FGD5: variants seen among roughly 807,000 people sequenced by gnomAD.
FGD5 encodes the protein FYVE, RhoGEF and PH domain containing 5.
Under a neutral mutation model 133.4 loss-of-function variants are expected in FGD5, and 28 were observed. The ratio of observed to expected loss-of-function variants is 0.21; its 90% CI spans 0.16 to 0.29. FGD5 has a LOEUF of 0.29. Among genes scored for constraint, FGD5 ranks in the 10% least tolerant of loss-of-function variants. The pLI, the probability that FGD5 is intolerant of heterozygous loss-of-function variation, is 1.00. For synonymous variants in FGD5, 810 were observed against 776.5 expected (o/e 1.04, Z -0.72); for missense variants, 1,858 against 1,895.2 (o/e 0.98, Z 0.36).
Position 14,819,254 on chromosome 3 carries a change from C to G in FGD5, c.183C>G (p.Thr61=). Residue 61 remains threonine (T), a synonymous_variant, in exon 1 of 20, where the codon ACC becomes ACG. Coordinates refer to ENST00000285046, the MANE Select transcript of FGD5 (RefSeq NM_152536.4). This position sits in a 1 kb window ranked among gnomAD's most constrained non-coding sequence, Gnocchi z 4.1. The part of the protein sequence containing the change: ...RSIPKCSESE[T]DEDYIVVPRV... ...TCCCAAAGTGCTCTGAGTCGGAGACCGACGAGGATTACATCGTGGTCCCCA... is the reference window on the plus strand; with the variant it reads ...TCCCAAAGTGCTCTGAGTCGGAGACGGACGAGGATTACATCGTGGTCCCCA... 1 of 1,538,576 alleles carries G rather than the reference C, an allele frequency of 6.5e-7. No individual in the cohort carries two copies. Among genetic ancestry groups the G allele is most frequent in the Non-Finnish European group, 8.8e-7 (1 of 1,140,890 alleles).
chr3:14,876,713 G>A (rs1024865861), intron 2 of FGD5, among the ~76,000 whole-genome samples: 2 of 152,122 alleles, frequency 1.3e-5, no homozygotes, highest in African/African-American at 4.8e-5. Flanking sequence ...TAATATCTAG[G>A]CTCATACAGA....
At chr3:14,810,914 C>T (rs2036282153) in intron 1 of FGD5, 1 of 985,116 alleles carries the variant, frequency 1.0e-6, no homozygotes, top group Non-Finnish European at 1.2e-6. Context: ...GCGAGGGACC[C>T]CGGCCGGGCG....
rs370335044 is a variant in FGD5, at chr3:14,901,035, C to T, written c.3238C>T (p.Arg1080Cys). 1.2e-4 allele frequency: 188 copies of T among 1,613,992 alleles called. 1 individual carries two copies. The highest frequency in any genetic ancestry group is 8.7e-4 in the East Asian group (39 of 44,876). ...ALSLISKVTDRANDSMEQGEN... is the reference protein window; with the variant it reads ...ALSLISKVTDCANDSMEQGEN... ...GAGCCTCATCTCCAAAGTCACAGACCGTGCCAACGACAGCATGGAGCAAGG... is the reference window on the plus strand; with the variant it reads ...GAGCCTCATCTCCAAAGTCACAGACTGTGCCAACGACAGCATGGAGCAAGG... The change falls in exon 9 of 20, where the codon CGT becomes TGT. Residue 1080 changes from arginine (R) to cysteine (C), a missense_variant. Arg to Cys is a radical substitution (Grantham distance 180). Transcript: ENST00000285046.
At chr3:14,822,031 C>T (rs1378464489) in intron 1 of FGD5, among the ~76,000 whole-genome samples, 7 of 151,374 alleles carry the variant, frequency 4.6e-5, no homozygotes, top group African/African-American at 1.2e-4. Flanking sequence ...ACTCGGGAGG[C>T]GGAGGTTGCA....
At chr3:14,835,688 A>G (rs778313709) in intron 1 of FGD5, among the ~76,000 whole-genome samples, 2 of 152,126 alleles carry the variant, frequency 1.3e-5, no homozygotes, top group Non-Finnish European at 2.9e-5. Flanking sequence ...TTAAGCAAAG[A>G]CTTGAAGAAG....
chr3:14,925,923 G>A (rs2038794294), intron 17 of FGD5, 147 bp from the exon 18 acceptor site: 9 of 1,044,422 alleles, frequency 8.6e-6, no homozygotes, highest in Non-Finnish European at 2.7e-6. Context: ...GCTGACTTTG[G>A]TACTGGATAG....
intron 9 of FGD5, 77 bp from the exon 10 acceptor site, chr3:14,907,563 C>T (rs764689772): frequency 2.6e-5 from 35 of 1,346,710 alleles, no homozygotes; most frequent in Non-Finnish European, 3.5e-5. Flanking sequence ...ACAGAAGCAA[C>T]GCCATGCCTT....
intron 11 of FGD5, among the ~76,000 whole-genome samples, chr3:14,914,630 G>T (rs998085945): frequency 1.3e-5 from 2 of 152,140 alleles, no homozygotes; most frequent in South Asian, 4.1e-4. Flanking sequence ...CATGGGCAAG[G>T]TTCATGAACC....
intron 1 of FGD5, among the ~76,000 whole-genome samples, chr3:14,848,390 T>C (rs112599660): frequency 1.2e-4 from 2 of 16,830 alleles, no homozygotes; most frequent in African/African-American, 3.6e-4. Flanking sequence ...TCCTTCCCCC[T>C]GGCCCTCACT....
rs1050520626 is a variant in FGD5, at chr3:14,928,467, G to A, written c.4197+2269G>A. On this transcript the variant is annotated intron_variant, in intron 18 of 19. Transcript: ENST00000285046. ...GAAAGAATTTTACAGTGAACTAGCC[G>A]GGCATGGTGGCTCATGCCTGTAATC... Among the ~76,000 whole-genome samples, 16 of 152,090 alleles carry A rather than the reference G, an allele frequency of 1.1e-4. No individual in the cohort carries two copies. In the South Asian group the frequency reaches 2.7e-3, roughly 26 times the overall value.
chr3:14,877,020 G>A (rs2037733533), intron 2 of FGD5, among the ~76,000 whole-genome samples: 2 of 152,218 alleles, frequency 1.3e-5, no homozygotes, highest in African/African-American at 4.8e-5. Flanking sequence ...AGGGGCAGGT[G>A]GCCTGATGTT....
Position 14,880,922 on chromosome 3 carries a change from C to A in FGD5, c.2748+150C>A, listed in dbSNP as rs183517626. 110 of 1,024,918 alleles carry A rather than the reference C, an allele frequency of 1.1e-4. No individual in the cohort carries two copies. The Middle Eastern group carries it at 1.4e-3, about 13-fold the overall frequency. 63.5% of individuals were successfully genotyped at this position (1,024,918 alleles called of 1,614,324 possible). On this transcript the variant is annotated intron_variant, in intron 4 of 19. Coordinates refer to ENST00000285046, the MANE Select transcript of FGD5 (RefSeq NM_152536.4). ...ACTCACCGACGCTTTTCAGGGAAGTCCGTCTCCTGATTAATGTGCTTCCGG... is the reference window on the plus strand; with the variant it reads ...ACTCACCGACGCTTTTCAGGGAAGTACGTCTCCTGATTAATGTGCTTCCGG...
At chr3:14,830,591 AAG>A (rs1401050650) in intron 1 of FGD5, among the ~76,000 whole-genome samples, 1 of 152,214 alleles carries the variant, frequency 6.6e-6, no homozygotes, top group Non-Finnish European at 1.5e-5. Flanking sequence ...TCGCTAATAG[AAG>A]AGAGTCTTAT....
At chr3:14,859,214 C>A (rs2037347382) in intron 1 of FGD5, among the ~76,000 whole-genome samples, 1 of 152,090 alleles carries the variant, frequency 6.6e-6, no homozygotes, top group Non-Finnish European at 1.5e-5. Flanking sequence ...AAATCAAGGT[C>A]ATTAACATAT....
chr3:14,824,368 A>C (rs944290066), intron 1 of FGD5, among the ~76,000 whole-genome samples: 1 of 152,122 alleles, frequency 6.6e-6, no homozygotes, highest in African/African-American at 2.4e-5. Context: ...TGCTGATCTG[A>C]GACCTCTGCC....
At chr3:14,871,869 C>T (rs1360509143) in intron 2 of FGD5, among the ~76,000 whole-genome samples, 1 of 152,260 alleles carries the variant, frequency 6.6e-6, no homozygotes, top group African/African-American at 2.4e-5. Flanking sequence ...TTGCTTTCTC[C>T]TTCCTGACTT....
intron 17 of FGD5, 21 bp from the exon 18 acceptor site, chr3:14,926,049 G>A (rs774422413): frequency 1.2e-5 from 20 of 1,612,224 alleles, no homozygotes; most frequent in South Asian, 3.3e-5. Flanking sequence ...TGGGCTGACC[G>A]CTCTGCTTCC....
intron 1 of FGD5, among the ~76,000 whole-genome samples, chr3:14,837,346 C>T (rs1038615578): frequency 3.3e-5 from 5 of 152,166 alleles, no homozygotes; most frequent in Non-Finnish European, 5.9e-5. Flanking sequence ...CCAGGAGGGG[C>T]GGTTGCTCAG....
chr3:14,897,461 G>T lies in FGD5; in HGVS notation c.2749-48G>T, dbSNP rs543332994. ...AGGGGAAATCTGCCAAGGAGGACTT[G>T]TGCTCAGTCCTATCAACCTGTGGGT... On this transcript the variant is annotated intron_variant, in intron 4 of 19. Coordinates refer to ENST00000285046, the MANE Select transcript of FGD5 (RefSeq NM_152536.4). 1.8e-4 allele frequency: 290 copies of T among 1,568,474 alleles called. 1 individual carries two copies. The South Asian group carries it at 3.4e-3, about 18-fold the overall frequency.
Sources: allele counts gnomAD v4.1 joint callset (sites outside exome capture counted in the v4.1 genomes callset), GRCh38; gene constraint gnomAD v4.1.1; non-coding constraint Gnocchi (gnomAD v3.1); transcripts MANE v1.5; gene names NCBI Gene and HGNC (gene_info 2026-07-23, HGNC 2026-07-21).